LCK: variants seen among roughly 807,000 people sequenced by gnomAD.
The protein encoded by LCK is tyrosine-protein kinase Lck.
In LCK, 14 loss-of-function variants were observed where a neutral mutation model predicts 64.6. That is an observed-to-expected ratio of 0.22 (90% CI 0.14 to 0.34). LCK has a LOEUF of 0.34. Ranked by LOEUF, LCK falls within the 10% of genes least tolerant of loss-of-function variation. The probability of loss-of-function intolerance (pLI) is 1.00; values close to 1 mark genes in which losing one functional copy is unlikely to be tolerated. For synonymous variants in LCK, 277 were observed against 263.6 expected (o/e 1.05, Z -0.49); for missense variants, 434 against 668.1 (o/e 0.65, Z 3.86).
At chr1:32,273,120 G>T (rs1033564313) in intron 1 of LCK, among the ~76,000 whole-genome samples, 2 of 135,526 alleles carry the variant, frequency 1.5e-5, no homozygotes, top group Non-Finnish European at 3.2e-5. Context: ...GTGTGGGTAC[G>T]TGTGTGAGAG....
chr1:32,279,854 TG>T lies in LCK; in HGVS notation c.1057del (p.Ala353HisfsTer24). On this transcript the variant is annotated frameshift_variant, in exon 11 of 13. Coordinates refer to ENST00000336890, the MANE Select transcript of LCK (RefSeq NM_005356.5). LOFTEE classifies it high-confidence loss of function. ...TTTGGCCTGCAGATTGCAGAAGGCA[TG>T]GCATTCATTGAAGAGCGGAATTATA... ...LDMAAQIAEGMAFIEERNYIH... is the reference protein window; with the variant it reads ...LDMAAQIAEGXAFIEERNYIH... 6.2e-7 allele frequency: 1 copy of T among 1,614,218 alleles called. No homozygotes were observed.
In LCK at chr1:32,276,237, A is replaced by G; in HGVS notation, c.632-100A>G. ...GGTGACAGCCCCACACCCCCTTGCT[A>G]GTCCACTTCACCTAGATGGGGGCTT... On this transcript the variant is annotated intron_variant, in intron 7 of 12. Transcript: ENST00000336890. This position sits in a 1 kb window ranked among gnomAD's most constrained non-coding sequence, Gnocchi z 4.6. 6.8e-7 allele frequency: 1 copy of G among 1,477,578 alleles called. No homozygotes were observed. The highest frequency in any genetic ancestry group is 2.3e-5 in the East Asian group (1 of 42,782). 91.5% of individuals were successfully genotyped at this position (1,477,578 alleles called of 1,614,324 possible).
rs1478480507 is a variant in LCK at position 32,285,500 on chromosome 1, C to T, written c.1328-14C>T. Reference sequence around the variant, plus strand: ...GTGCCTGACCTTGATGTCCTTTCACCCATCAACCCGTAGGGATGACCAACC... The same window carrying T: ...GTGCCTGACCTTGATGTCCTTTCACTCATCAACCCGTAGGGATGACCAACC... On this transcript the variant is annotated splice_polypyrimidine_tract_variant and intron_variant, in intron 12 of 12. Transcript: ENST00000336890. The T allele has an allele frequency of 8.1e-6, 13 of 1,610,688 alleles. No homozygotes were observed. Among genetic ancestry groups the T allele is most frequent in the African/African-American group, 1.3e-5 (1 of 74,862 alleles).
chr1:32,274,904 C>A (rs760961393), intron 3 of LCK, 86 bp downstream of exon 3: 2 of 1,613,782 alleles, frequency 1.2e-6, no homozygotes, highest in Non-Finnish European at 1.7e-6. Flanking sequence ...ACTTTCTCCC[C>A]GGTCTTGCCT....
chr1:32,276,460 G>C lies in LCK; in HGVS notation c.755G>C (p.Gly252Ala). 1.2e-6 allele frequency: 2 copies of C among 1,612,520 alleles called. No homozygotes were observed. The highest frequency in any genetic ancestry group is 2.2e-5 in the East Asian group (1 of 44,874). ...ACGCTGAAGCTGGTGGAGCGGCTGG[G>C]GGCTGGACAGTTCGGGGAGGTGTGG... ...RETLKLVERL[G>A]AGQFGEVWMG... Residue 252 changes from glycine (G) to alanine (A), a missense_variant, in exon 8 of 13, where the codon GGG becomes GCG. By Grantham distance (60) the Gly-to-Ala change is moderately conservative. Coordinates refer to ENST00000336890, the MANE Select transcript of LCK (RefSeq NM_005356.5). This position sits in a 1 kb window ranked among gnomAD's most constrained non-coding sequence, Gnocchi z 4.6.
At chr1:32,266,366 C>T (rs936477522) in intron 1 of LCK, among the ~76,000 whole-genome samples, 10 of 151,154 alleles carry the variant, frequency 6.6e-5, no homozygotes, top group South Asian at 4.2e-4. Flanking sequence ...GGCACAGTGG[C>T]GGGCGCCGGT....
In LCK at chr1:32,251,895, AG is replaced by A. The variant is rs1639514921; in HGVS notation, c.-6+525del. Among the ~76,000 whole-genome samples, 1 of 1,074 alleles carries A rather than the reference AG, an allele frequency of 9.3e-4. No homozygotes were observed. Among genetic ancestry groups the A allele is most frequent in the South Asian group, 0.016 (1 of 62 alleles). 0.7% of individuals were successfully genotyped at this position (1,074 alleles called of 152,430 possible). A position where few individuals can be genotyped will look rare whatever the true frequency, so the allele number is the denominator to read the frequency against. ...CCCAGTGACAAGAATCTCCTGAGAA[AG>A]AGAGAGAGAGAGAGAGAGAGAGAGA... On this transcript the variant is annotated intron_variant, in intron 1 of 12. Transcript: ENST00000336890. This position sits in a 1 kb window ranked among gnomAD's most constrained non-coding sequence, Gnocchi z 4.0.
At chr1:32,259,289 T>TAAAA (rs10656936) in intron 1 of LCK, among the ~76,000 whole-genome samples, 121,420 of 124,206 alleles carry the variant, frequency 0.98, 59,386 homozygotes, top group South Asian at 0.99. Flanking sequence ...GCTTCTCAGG[T>TAAAA]AAAAAAAAAA....
chr1:32,285,447 G>C, intron 12 of LCK, 67 bp from the exon 13 acceptor site: 2 of 1,418,196 alleles, frequency 1.4e-6, no homozygotes, highest in East Asian at 2.3e-5. Context: ...TAAATATTCC[G>C]AACATTACCC....
chr1:32,275,589 GC>G lies in LCK; in HGVS notation c.400del (p.Arg134AlafsTer45). ...EPEPWFFKNL[S>X]RKDAERQLLA... Reference sequence around the variant, plus strand: ...CACAGCTGGTTCTTCAAGAACCTGAGCCGCAAGGACGCGGAGCGGCAGCTCC... The same window carrying G: ...CACAGCTGGTTCTTCAAGAACCTGAGCGCAAGGACGCGGAGCGGCAGCTCC... On this transcript the variant is annotated frameshift_variant, in exon 6 of 13. Transcript: ENST00000336890. LOFTEE classifies it high-confidence loss of function. This position sits in a 1 kb window ranked among gnomAD's most constrained non-coding sequence, Gnocchi z 6.9. 1 of 1,572,390 alleles carries G rather than the reference GC, an allele frequency of 6.4e-7. No homozygotes were observed. Among genetic ancestry groups the G allele is most frequent in the Non-Finnish European group, 8.6e-7 (1 of 1,158,654 alleles).
chr1:32,254,863 A>G (rs1639591773), intron 1 of LCK, among the ~76,000 whole-genome samples: 1 of 152,102 alleles, frequency 6.6e-6, no homozygotes, highest in Non-Finnish European at 1.5e-5. Context: ...AAAACACTCA[A>G]ACAGGCCAGG....
At position 32,275,599 on chromosome 1, in the gene LCK, C is replaced by A; in HGVS notation, c.408C>A (p.Asp136Glu). 1.9e-6 allele frequency: 3 copies of A among 1,573,844 alleles called. No homozygotes were observed. The highest frequency in any genetic ancestry group is 2.6e-6 in the Non-Finnish European group (3 of 1,159,488). The change falls in exon 6 of 13, where the codon GAC becomes GAA. Residue 136 changes from aspartate to glutamate, a missense_variant. Coordinates refer to ENST00000336890, the MANE Select transcript of LCK (RefSeq NM_005356.5). This position sits in a 1 kb window ranked among gnomAD's most constrained non-coding sequence, Gnocchi z 6.9. The part of the protein sequence containing the change: ...PWFFKNLSRK[D>E]AERQLLAPGN... ...TCTTCAAGAACCTGAGCCGCAAGGA[C>A]GCGGAGCGGCAGCTCCTGGCGCCCG...
chr1:32,261,499 A>G (rs1639768788), intron 1 of LCK, among the ~76,000 whole-genome samples: 1 of 151,036 alleles, frequency 6.6e-6, no homozygotes, highest in African/African-American at 2.4e-5. Context: ...TACAAAAATT[A>G]GCTGGGCCTG....
intron 9 of LCK, 192 bp from the exon 10 acceptor site, chr1:32,279,479 C>A: frequency 1.0e-6 from 1 of 983,348 alleles, no homozygotes; most frequent in Non-Finnish European, 1.5e-6. Flanking sequence ...GCATGCTCTA[C>A]CCTAGCCCCT....
chr1:32,284,117 A>G (rs1044052757), intron 12 of LCK, among the ~76,000 whole-genome samples: 2 of 151,694 alleles, frequency 1.3e-5, no homozygotes, highest in African/African-American at 4.8e-5. Flanking sequence ...TCCTGACCCC[A>G]GGTGATCCAC....
At chr1:32,284,832 C>T (rs1239143279) in intron 12 of LCK, among the ~76,000 whole-genome samples, 2 of 152,136 alleles carry the variant, frequency 1.3e-5, no homozygotes, top group Non-Finnish European at 2.9e-5. Context: ...TAATTTACAC[C>T]AGGGAAGCAG....
At chr1:32,260,594 G>A (rs1639742869) in intron 1 of LCK, among the ~76,000 whole-genome samples, 2 of 152,102 alleles carry the variant, frequency 1.3e-5, no homozygotes, top group South Asian at 4.1e-4. Flanking sequence ...AGGAAGTATA[G>A]TCTTGTCTGC....
At chr1:32,263,006 A>G (rs1047159986) in intron 1 of LCK, among the ~76,000 whole-genome samples, 1 of 152,200 alleles carries the variant, frequency 6.6e-6, no homozygotes, top group East Asian at 1.9e-4. Flanking sequence ...TAAGAATTTC[A>G]TAGATTCGAG....
Position 32,275,540 on chromosome 1 carries a change from C to T in LCK, c.378-29C>T. The T allele has an allele frequency of 3.2e-6, 5 of 1,555,356 alleles. No individual in the cohort carries two copies. Among genetic ancestry groups the T allele is most frequent in the Non-Finnish European group, 3.5e-6 (4 of 1,145,834 alleles). On this transcript the variant is annotated intron_variant, in intron 5 of 12. Transcript: ENST00000336890. This position sits in a 1 kb window ranked among gnomAD's most constrained non-coding sequence, Gnocchi z 6.9. ...CGGAGGAAGATCCGACGACAGCCGA[C>T]GGCCTTCGTTCGCTTCCGCCCTGCA... is the stretch of plus-strand genomic sequence containing the variant.
Sources: allele counts gnomAD v4.1 joint callset (sites outside exome capture counted in the v4.1 genomes callset), GRCh38; gene constraint gnomAD v4.1.1; non-coding constraint Gnocchi (gnomAD v3.1); transcripts MANE v1.5; gene names NCBI Gene and HGNC (gene_info 2026-07-23, HGNC 2026-07-21).